The following KHDRBS2 variants were observed in gnomAD, a reference collection of about 807,000 sequenced individuals.
The protein encoded by KHDRBS2 is KH RNA binding domain containing, signal transduction associated 2, also known as KH domain-containing, RNA-binding, signal transduction-associated protein 2.
KHDRBS2 carries 26 observed loss-of-function variants against 44.3 expected under a neutral mutation model. The ratio of observed to expected loss-of-function variants is 0.59; its 90% CI spans 0.43 to 0.81. KHDRBS2 has a LOEUF of 0.81. Among genes scored for constraint, KHDRBS2 ranks in the 40% least tolerant of loss-of-function variants. KHDRBS2 has a pLI of 0.00. For synonymous variants in KHDRBS2, 194 were observed against 151.1 expected, an observed-to-expected ratio of 1.28 and a Z score of -2.08; for missense variants, 476 against 433.1, an observed-to-expected ratio of 1.10 and a Z score of -0.88.
At chr6:61,597,735 T>TTAGTTTTATTAGCCAAATGAGGTAC in the KHDRBS2 span, among the ~76,000 whole-genome samples, 2 of 36,652 alleles carry the variant, frequency 5.5e-5, no homozygotes, top group Admixed American at 3.0e-4. Context: ...GCACCTTTTA[T>TTAGTTTTATTAGCCAAATGAGGTAC]ATATATATAT....
At chr6:61,938,250 G>T (rs1811416319) in intron 4 of KHDRBS2, among the ~76,000 whole-genome samples, 1 of 152,066 alleles carries the variant, frequency 6.6e-6, no homozygotes, top group South Asian at 2.1e-4. Context: ...GTATTCAGGA[G>T]AGTTGCAAAT....
intron 1 of KHDRBS2, among the ~76,000 whole-genome samples, chr6:62,223,362 C>A (rs1332558452): frequency 6.6e-6 from 1 of 152,186 alleles, no homozygotes; most frequent in Non-Finnish European, 1.5e-5. Flanking sequence ...AGGCTGCACA[C>A]AGGTTGGGGA....
At chr6:61,741,922 T>A (rs1219492545) in intron 6 of KHDRBS2, among the ~76,000 whole-genome samples, 1 of 152,024 alleles carries the variant, frequency 6.6e-6, no homozygotes, top group African/African-American at 2.4e-5. Flanking sequence ...CTGTTCATTA[T>A]TTTCATTTGG....
At chr6:62,034,266 C>A (rs1320844065) in intron 3 of KHDRBS2, among the ~76,000 whole-genome samples, 2 of 151,844 alleles carry the variant, frequency 1.3e-5, no homozygotes, top group African/African-American at 4.8e-5. Flanking sequence ...GAACTAGCAG[C>A]AATCCTATTG....
chr6:61,807,022 T>C (rs576142962), intron 6 of KHDRBS2, among the ~76,000 whole-genome samples: 1 of 152,158 alleles, frequency 6.6e-6, no homozygotes, highest in South Asian at 2.1e-4. Flanking sequence ...TTTTACTTTG[T>C]GAATAAGAAG....
chr6:61,779,399 G>A (rs539101303), intron 6 of KHDRBS2, among the ~76,000 whole-genome samples: 1 of 152,072 alleles, frequency 6.6e-6, no homozygotes, highest in Non-Finnish European at 1.5e-5. Context: ...GATGAAAATA[G>A]TATGGGAACC....
At chr6:62,114,587 G>A (rs545774595) in intron 2 of KHDRBS2, among the ~76,000 whole-genome samples, 7 of 152,186 alleles carry the variant, frequency 4.6e-5, no homozygotes, top group Admixed American at 3.9e-4. Flanking sequence ...TGATCTAAGT[G>A]ATGGGAGGCA....
At chr6:62,132,783 C>T (rs572170673) in intron 2 of KHDRBS2, among the ~76,000 whole-genome samples, 2 of 152,132 alleles carry the variant, frequency 1.3e-5, no homozygotes, top group African/African-American at 4.8e-5. Flanking sequence ...GTTTCTTATT[C>T]TCTTCCCTTC....
chr6:62,187,507 T>C (rs1823685624), intron 1 of KHDRBS2, among the ~76,000 whole-genome samples: 1 of 152,164 alleles, frequency 6.6e-6, no homozygotes, highest in Admixed American at 6.6e-5. Context: ...TTCAGAAAGA[T>C]ATTTTTTAAA....
At chr6:61,915,218 G>A (rs567099757) in intron 4 of KHDRBS2, among the ~76,000 whole-genome samples, 2 of 152,102 alleles carry the variant, frequency 1.3e-5, no homozygotes, top group Admixed American at 6.6e-5. Flanking sequence ...TTGGAGGGAT[G>A]TCAAACAGTT....
intron 3 of KHDRBS2, among the ~76,000 whole-genome samples, chr6:62,024,363 T>A (rs1014427151): frequency 1.1e-4 from 17 of 151,554 alleles, no homozygotes; most frequent in African/African-American, 4.1e-4. Flanking sequence ...TTTCAAAATT[T>A]TTTTGTAACA....
At chr6:62,162,979 A>G (rs897789802) in intron 2 of KHDRBS2, among the ~76,000 whole-genome samples, 1 of 152,044 alleles carries the variant, frequency 6.6e-6, no homozygotes, top group African/African-American at 2.4e-5. Flanking sequence ...TGTTGATGTC[A>G]AGTGGGCAGT....
the KHDRBS2 span, among the ~76,000 whole-genome samples, chr6:61,578,011 CTT>C: frequency 1.3e-5 from 2 of 152,022 alleles, no homozygotes; most frequent in Non-Finnish European, 2.9e-5. Context: ...ATTAATAAAA[CTT>C]CACTCATTAT....
At chr6:61,581,844 A>G in the KHDRBS2 span, among the ~76,000 whole-genome samples, 92,894 of 150,864 alleles carry the variant, frequency 0.62, 28,813 homozygotes, top group Non-Finnish European at 0.65. Context: ...CAAGATCAAA[A>G]AGAGTATATG....
At chr6:61,967,444 T>C (rs1293836728) in intron 4 of KHDRBS2, among the ~76,000 whole-genome samples, 1 of 151,862 alleles carries the variant, frequency 6.6e-6, no homozygotes, top group Non-Finnish European at 1.5e-5. Flanking sequence ...GATAGATTGA[T>C]AGATTGATAT....
intron 2 of KHDRBS2, among the ~76,000 whole-genome samples, chr6:62,089,261 T>C (rs1456688650): frequency 2.1e-5 from 2 of 95,718 alleles, no homozygotes; most frequent in Non-Finnish European, 4.2e-5. Context: ...CAGGTGCCAC[T>C]GGGTTACAAA....
chr6:62,090,077 C>A (rs1799211173), intron 2 of KHDRBS2, among the ~76,000 whole-genome samples: 1 of 151,964 alleles, frequency 6.6e-6, no homozygotes, highest in Admixed American at 6.6e-5. Context: ...GTTGCCCAGG[C>A]TTGGTATATG....
At chr6:61,558,535 C>A in the KHDRBS2 span, among the ~76,000 whole-genome samples, 12 of 152,126 alleles carry the variant, frequency 7.9e-5, no homozygotes, top group African/African-American at 2.4e-4. Flanking sequence ...GCAGTCCAGC[C>A]TAGGTGACAG....
At chr6:62,202,812 C>G (rs1199995679) in intron 1 of KHDRBS2, among the ~76,000 whole-genome samples, 2 of 152,058 alleles carry the variant, frequency 1.3e-5, no homozygotes. Flanking sequence ...CAATCTCAAG[C>G]AAGGGATCCC....
Sources: gnomAD v4.1 joint callset for allele counts (sites outside exome capture counted in the v4.1 genomes callset) on GRCh38, gnomAD v4.1.1 for gene constraint, MANE v1.5 for transcripts, NCBI Gene and HGNC (gene_info 2026-07-23, HGNC 2026-07-21) for gene names.